The following EPB41L1 variants were observed in gnomAD, a reference collection of about 807,000 sequenced individuals.
The protein encoded by EPB41L1 is erythrocyte membrane protein band 4.1 like 1.
A neutral mutation model predicts 97.8 loss-of-function variants in EPB41L1; 29 were observed. The observed-to-expected ratio is 0.30, with a 90% confidence interval of 0.22 to 0.40. The LOEUF is 0.40. EPB41L1 is among the 10% of genes least tolerant of loss of function. EPB41L1 has a pLI of 1.00. For synonymous variants in EPB41L1, 383 were observed against 459.2 expected, an observed-to-expected ratio of 0.83 and a Z score of 2.12; for missense variants, 812 against 1,162.3, an observed-to-expected ratio of 0.70 and a Z score of 4.38.
At chr20:36,188,641 C>CAGAGAGAG (rs112151910) in intron 9 of EPB41L1, 142 bp downstream of exon 9, 6 of 273,780 alleles carry the variant, frequency 2.2e-5, no homozygotes, top group East Asian at 1.2e-4. Flanking sequence ...CACACACACA[C>CAGAGAGAG]AGAGAGAGAG....
chr20:36,185,425 G>A (rs1370256195), intron 7 of EPB41L1, 90 bp downstream of exon 7: 2 of 1,259,668 alleles, frequency 1.6e-6, no homozygotes, highest in Admixed American at 3.9e-5. Context: ...GCCACATACT[G>A]TGCTGTTTGT....
chr20:36,188,635 CACACACA>C (rs2061796796), intron 9 of EPB41L1, 136 bp downstream of exon 9: 2 of 528,558 alleles, frequency 3.8e-6, no homozygotes, highest in African/African-American at 6.4e-5. Context: ...CACACACACA[CACACACA>C]GAGAGAGAGA....
chr20:36,161,385 G>A (rs1008078863), intron 1 of EPB41L1, among the ~76,000 whole-genome samples: 4 of 152,086 alleles, frequency 2.6e-5, no homozygotes, highest in Non-Finnish European at 5.9e-5. Context: ...GTCAAATACT[G>A]TGCTAGAGCA....
chr20:36,180,690 G>A (rs1368398241), intron 5 of EPB41L1, among the ~76,000 whole-genome samples: 2 of 152,174 alleles, frequency 1.3e-5, no homozygotes, highest in African/African-American at 4.8e-5. Flanking sequence ...TTATATTTAT[G>A]TTGTTGTGAG....
chr20:36,129,362 G>T (rs969763873), intron 2 of EPB41L1, among the ~76,000 whole-genome samples: 2 of 152,134 alleles, frequency 1.3e-5, no homozygotes, highest in African/African-American at 4.8e-5. Context: ...CTCCTGGGGG[G>T]AGCCTGGTTT....
At position 36,195,462 on chromosome 20, in the gene EPB41L1, C is replaced by A; in HGVS notation, c.1485+98C>A. 7.1e-7 allele frequency: 1 copy of A among 1,410,300 alleles called. No individual in the cohort carries two copies. The highest frequency in any genetic ancestry group is 1.0e-6 in the Non-Finnish European group (1 of 1,000,518). The allele number at this position is 1,410,300 out of a possible 1,614,324, so 87.4% of individuals were successfully genotyped here. ...CATCCCAGGCTCACTTCCCTGGCACCATCTCAGCTTCAACTTCATCTCTGC... is the reference window on the plus strand; with the variant it reads ...CATCCCAGGCTCACTTCCCTGGCACAATCTCAGCTTCAACTTCATCTCTGC... On this transcript the variant is annotated intron_variant, in intron 13 of 21. Transcript: ENST00000338074. This position sits in a 1 kb window ranked among gnomAD's most constrained non-coding sequence, Gnocchi z 4.6.
chr20:36,187,109 T>TAGTA (rs1181686964), intron 7 of EPB41L1, among the ~76,000 whole-genome samples: 1 of 152,182 alleles, frequency 6.6e-6, no homozygotes, highest in Admixed American at 6.5e-5. Flanking sequence ...AACCAGCACA[T>TAGTA]AGTACTCAAT....
intron 2 of EPB41L1, among the ~76,000 whole-genome samples, chr20:36,119,065 T>C (rs985896448): frequency 1.3e-5 from 2 of 152,252 alleles, no homozygotes; most frequent in Non-Finnish European, 2.9e-5. Flanking sequence ...GATGCTGAGA[T>C]ACTGATATCA....
intron 2 of EPB41L1, among the ~76,000 whole-genome samples, chr20:36,135,825 G>A (rs115526725): frequency 0.012 from 1,874 of 152,320 alleles, 35 homozygotes; most frequent in African/African-American, 0.043. Flanking sequence ...AGGGGAAGGG[G>A]TGAGGTAGGT....
At position 36,206,712 on chromosome 20, in the gene EPB41L1, T is replaced by A. The variant is rs1401120522; in HGVS notation, c.1669-2776T>A. ...GAGGACCTGGTGACCTGAAGGGATC[T>A]CCCGCAGGACAGACGTTTGCTGAAG... On this transcript the variant is annotated intron_variant, in intron 14 of 21. Transcript: ENST00000338074. This position sits in a 1 kb window ranked among gnomAD's most constrained non-coding sequence, Gnocchi z 5.5. The A allele has an allele frequency of 3.1e-6, 4 of 1,289,598 alleles. No homozygotes were observed. The Admixed American group carries it at 9.2e-5, about 30-fold the overall frequency. The allele number at this position is 1,289,598 out of a possible 1,614,324, so 79.9% of individuals were successfully genotyped here. A position where few individuals can be genotyped will look rare whatever the true frequency, so the allele number is the denominator to read the frequency against.
intron 21 of EPB41L1, among the ~76,000 whole-genome samples, chr20:36,227,019 C>T (rs188335704): frequency 7.2e-5 from 11 of 152,224 alleles, no homozygotes; most frequent in Non-Finnish European, 1.3e-4. Flanking sequence ...TCTTTCTACT[C>T]AATTTTGACC....
At chr20:36,205,915 G>GA in intron 14 of EPB41L1, 1 of 1,289,882 alleles carries the variant, frequency 7.8e-7, no homozygotes, top group Non-Finnish European at 1.0e-6. Context: ...TCTCCTAAAA[G>GA]TGACCACCAT....
At chr20:36,157,005 C>T (rs979162369) in intron 1 of EPB41L1, among the ~76,000 whole-genome samples, 1 of 152,164 alleles carries the variant, frequency 6.6e-6, no homozygotes, top group Non-Finnish European at 1.5e-5. Context: ...GCGGGCAGAT[C>T]ACAAGTTCAA....
chr20:36,116,667 G>A (rs1003588239), intron 2 of EPB41L1, among the ~76,000 whole-genome samples: 5 of 152,162 alleles, frequency 3.3e-5, no homozygotes, highest in Admixed American at 6.5e-5. Context: ...CATTCAGGAG[G>A]GTTCTCCATG....
intron 7 of EPB41L1, 62 bp from the exon 8 acceptor site, chr20:36,187,614 G>C: frequency 1.4e-6 from 2 of 1,384,350 alleles, no homozygotes; most frequent in Non-Finnish European, 2.0e-6. Flanking sequence ...GGGCACCTTT[G>C]GACAGCAGGA....
intron 1 of EPB41L1, among the ~76,000 whole-genome samples, chr20:36,158,079 G>A (rs984382912): frequency 6.7e-6 from 1 of 148,182 alleles, no homozygotes; most frequent in Non-Finnish European, 1.5e-5. Context: ...TATTCTTCCC[G>A]TTTTACAGAT....
Position 36,156,465 on chromosome 20 carries a change from G to A in EPB41L1, c.-15+1569G>A, listed in dbSNP as rs190873070. Among the ~76,000 whole-genome samples, 29 of 152,340 alleles carry A rather than the reference G, an allele frequency of 1.9e-4. No homozygotes were observed. The East Asian group carries it at 5.4e-3, about 28-fold the overall frequency. ...ATATTGAAAGGTTGAACGGGGCCTAGAGAGTAAGAGTGACTTGGCCAAGGT... is the reference window on the plus strand; with the variant it reads ...ATATTGAAAGGTTGAACGGGGCCTAAAGAGTAAGAGTGACTTGGCCAAGGT... On this transcript the variant is annotated intron_variant, in intron 1 of 21. Coordinates refer to ENST00000338074, the MANE Select transcript of EPB41L1 (RefSeq NM_012156.2).
intron 2 of EPB41L1, among the ~76,000 whole-genome samples, chr20:36,130,089 C>A (rs879437768): frequency 2.0e-5 from 3 of 151,834 alleles, no homozygotes; most frequent in Non-Finnish European, 4.4e-5. Context: ...TTACAGGCAC[C>A]CGCCACCATG....
At chr20:36,095,729 T>C (rs2057807282) in intron 1 of EPB41L1, among the ~76,000 whole-genome samples, 1 of 152,182 alleles carries the variant, frequency 6.6e-6, no homozygotes, top group Admixed American at 6.5e-5. Context: ...AGCAGCAGGG[T>C]TACCTGGGAG....
Sources: allele counts gnomAD v4.1 joint callset (sites outside exome capture counted in the v4.1 genomes callset), GRCh38; gene constraint gnomAD v4.1.1; non-coding constraint Gnocchi (gnomAD v3.1); transcripts MANE v1.5; gene names NCBI Gene and HGNC (gene_info 2026-07-23, HGNC 2026-07-21).